The following RANBP2 variants were observed in gnomAD, a reference collection of about 807,000 sequenced individuals.
RANBP2 encodes the protein RAN binding protein 2.
RANBP2 carries 57 observed loss-of-function variants against 303.6 expected under a neutral mutation model. The ratio of observed to expected loss-of-function variants is 0.19; its 90% CI spans 0.15 to 0.23. The LOEUF (loss-of-function observed/expected upper bound fraction) is 0.23. Ranked by LOEUF, RANBP2 falls within the 10% of genes least tolerant of loss-of-function variation. RANBP2 has a pLI of 1.00. For synonymous variants in RANBP2, 1,167 were observed against 1,301.5 expected (o/e 0.90, Z 2.23); for missense variants, 3,138 against 3,780.8 (o/e 0.83, Z 4.46).
chr2:109,323,996 A>G, the RANBP2 span, among the ~76,000 whole-genome samples: 1 of 152,114 alleles, frequency 6.6e-6, no homozygotes, highest in Admixed American at 6.6e-5. Context: ...CCTGGAAAAC[A>G]CTAATGTAAT....
the RANBP2 span, among the ~76,000 whole-genome samples, chr2:109,394,357 A>G: frequency 6.6e-6 from 1 of 152,126 alleles, no homozygotes; most frequent in African/African-American, 2.4e-5. Flanking sequence ...TTACTGTCCC[A>G]TGGACAAGAC....
At chr2:109,238,890 C>CAG in the RANBP2 span, among the ~76,000 whole-genome samples, 1 of 152,190 alleles carries the variant, frequency 6.6e-6, no homozygotes, top group African/African-American at 2.4e-5. Context: ...TACAGCTCCA[C>CAG]TGTGGTCACT....
the RANBP2 span, among the ~76,000 whole-genome samples, chr2:109,445,741 G>T: frequency 6.6e-6 from 1 of 152,026 alleles, no homozygotes; most frequent in Non-Finnish European, 1.5e-5. Context: ...AGGGAGGGGT[G>T]TGGGGAAGTA....
the RANBP2 span, chr2:109,432,472 C>A: frequency 6.2e-7 from 1 of 1,611,278 alleles, no homozygotes. Context: ...AGGGCTCCCA[C>A]TGACACTGGC....
At chr2:109,338,178 G>A in the RANBP2 span, among the ~76,000 whole-genome samples, 1 of 152,206 alleles carries the variant, frequency 6.6e-6, no homozygotes, top group Non-Finnish European at 1.5e-5. Context: ...TACTTACAGT[G>A]TGCCAGGCAC....
At chr2:109,036,459 A>T in the RANBP2 span, among the ~76,000 whole-genome samples, 1 of 152,318 alleles carries the variant, frequency 6.6e-6, no homozygotes, top group Middle Eastern at 3.4e-3. Context: ...TAAACCTAAT[A>T]CAGCATCGTA....
the RANBP2 span, among the ~76,000 whole-genome samples, chr2:109,078,463 A>C: frequency 6.7e-6 from 1 of 148,804 alleles, no homozygotes; most frequent in Non-Finnish European, 1.5e-5. Context: ...AGATGAATAC[A>C]TAGAAGCAGA....
chr2:109,482,837 G>GA, the RANBP2 span, among the ~76,000 whole-genome samples: 2 of 152,138 alleles, frequency 1.3e-5, no homozygotes, highest in Admixed American at 1.3e-4. Context: ...ACAAGCTAGA[G>GA]AAGCACAATA....
chr2:108,867,840 G>A, the RANBP2 span, among the ~76,000 whole-genome samples: 1 of 152,172 alleles, frequency 6.6e-6, no homozygotes, highest in Non-Finnish European at 1.5e-5. Flanking sequence ...TGGAATAAAA[G>A]CCTTACTAAC....
intron 12 of RANBP2, 28 bp downstream of exon 12, chr2:108,752,022 A>G (rs1351590062): frequency 6.2e-7 from 1 of 1,610,794 alleles, no homozygotes; most frequent in East Asian, 2.2e-5. Flanking sequence ...AGCATTTTTA[A>G]AGAACATTAC....
At chr2:109,401,024 T>C in the RANBP2 span, among the ~76,000 whole-genome samples, 50,427 of 152,156 alleles carry the variant, frequency 0.33, 9,349 homozygotes, top group Non-Finnish European at 0.42. Context: ...GGCGGACCAG[T>C]GTGGCTGTGC....
the RANBP2 span, among the ~76,000 whole-genome samples, chr2:109,705,106 TAA>T: frequency 6.9e-6 from 1 of 143,902 alleles, no homozygotes; most frequent in African/African-American, 2.6e-5. Context: ...AATAAATAAA[TAA>T]ATAAATAAAA....
the RANBP2 span, among the ~76,000 whole-genome samples, chr2:109,082,498 A>G: frequency 6.6e-6 from 1 of 151,900 alleles, no homozygotes; most frequent in East Asian, 1.9e-4. Context: ...ATGGGGTTTC[A>G]CCATGCTGGA....
the RANBP2 span, chr2:108,846,719 T>C: frequency 9.8e-5 from 155 of 1,577,864 alleles, no homozygotes; most frequent in Non-Finnish European, 1.2e-4. Flanking sequence ...TATACTAAGA[T>C]TGTACATATT....
chr2:109,677,601 T>C, the RANBP2 span, among the ~76,000 whole-genome samples: 1 of 152,206 alleles, frequency 6.6e-6, no homozygotes, highest in Non-Finnish European at 1.5e-5. Flanking sequence ...CTCTTGAAAG[T>C]GGTCCTCCAG....
chr2:109,543,072 G>A, the RANBP2 span: 164 of 152,656 alleles, frequency 1.1e-3, 1 homozygote, highest in African/African-American at 3.8e-3. Context: ...ATATATCTAT[G>A]ACTGTTAAGA....
At chr2:108,794,161 C>T in the RANBP2 span, among the ~76,000 whole-genome samples, 1 of 152,106 alleles carries the variant, frequency 6.6e-6, no homozygotes, top group African/African-American at 2.4e-5. Flanking sequence ...AACAGCAAAG[C>T]AAAGCAGCAT....
chr2:109,532,947 C>T, the RANBP2 span, among the ~76,000 whole-genome samples: 1 of 152,212 alleles, frequency 6.6e-6, no homozygotes, highest in Admixed American at 6.5e-5. Context: ...TCAATAAACA[C>T]TCACTGGCCA....
At chr2:108,996,757 T>C in the RANBP2 span, among the ~76,000 whole-genome samples, 2 of 146,312 alleles carry the variant, frequency 1.4e-5, no homozygotes, top group Non-Finnish European at 3.0e-5. Context: ...CATAATACAA[T>C]CATAGCTCGT....
Sources: allele counts gnomAD v4.1 joint callset (sites outside exome capture counted in the v4.1 genomes callset), GRCh38; gene constraint gnomAD v4.1.1; transcripts MANE v1.5; gene names NCBI Gene and HGNC (gene_info 2026-07-23, HGNC 2026-07-21).